The following ATP13A3 variants were observed in gnomAD, a reference collection of about 807,000 sequenced individuals.
The protein encoded by ATP13A3 is polyamine-transporting ATPase 13A3.
ATP13A3 carries 59 observed loss-of-function variants against 158.1 expected under a neutral mutation model. The ratio of observed to expected loss-of-function variants is 0.37; its 90% CI spans 0.30 to 0.46. The LOEUF is 0.46. Ranked by LOEUF, ATP13A3 falls within the 20% of genes least tolerant of loss-of-function variation. The pLI is 1.00. For missense variants in ATP13A3, 1,166 were observed against 1,525.2 expected, an observed-to-expected ratio of 0.76 and a Z score of 3.92; for synonymous variants, 491 against 504.3, an observed-to-expected ratio of 0.97 and a Z score of 0.35.
At chr3:194,491,847 C>G (rs1262022946), upstream of ATP13A3, among the ~76,000 whole-genome samples, 4 of 147,168 alleles carry the variant, frequency 2.7e-5, no homozygotes, top group Non-Finnish European at 6.0e-5. Flanking sequence ...GGCATGTCCC[C>G]TCATCTCTCA....
At position 194,454,330 on chromosome 3, in the gene ATP13A3, G is replaced by A. The variant is rs1164098649; in HGVS notation, c.693C>T (p.Tyr231=). Reference sequence around the variant, plus strand: ...CCACAATAGCTAGAGCATAGTAATAGTATTCATCAGTGCTCCACAGTATAA... The same window carrying A: ...CCACAATAGCTAGAGCATAGTAATAATATTCATCAGTGCTCCACAGTATAA... ...FSVILWSTDE[Y]YYYALAIVVM... Residue 231 remains tyrosine (Y), a synonymous_variant, in exon 9 of 34, where the codon TAC becomes TAT. Coordinates refer to ENST00000645319, the MANE Select transcript of ATP13A3 (RefSeq NM_001367549.1). 2 of 1,607,198 alleles carry A rather than the reference G, an allele frequency of 1.2e-6. No individual in the cohort carries two copies. The highest frequency in any genetic ancestry group is 1.7e-6 in the Non-Finnish European group (2 of 1,174,000).
chr3:194,420,949 T>C lies in ATP13A3; in HGVS notation c.3314-982A>G, dbSNP rs1220356984. Among the ~76,000 whole-genome samples, 21 of 150,240 alleles carry C rather than the reference T, an allele frequency of 1.4e-4. No individual in the cohort carries two copies. In the East Asian group the frequency reaches 3.0e-3, roughly 21 times the overall value. ...CTCCAGACTGGGTAAAGAACTTACT[T>C]TTTACTGACTGTAAATGAAGGGTCT... On this transcript the variant is annotated intron_variant, in intron 30 of 33. Coordinates refer to ENST00000645319, the MANE Select transcript of ATP13A3 (RefSeq NM_001367549.1).
intron 2 of ATP13A3, among the ~76,000 whole-genome samples, chr3:194,471,112 C>T (rs981602098): frequency 7.9e-5 from 12 of 152,048 alleles, no homozygotes; most frequent in African/African-American, 2.7e-4. Flanking sequence ...ACCCTGAGTT[C>T]TAAACTTGTA....
chr3:194,419,986 G>A lies in ATP13A3; in HGVS notation c.3314-19C>T, dbSNP rs748434832. Reference sequence around the variant, plus strand: ...AAAAAATCTGGAAAAGACAGCAAAAGTAAAACAAGTAAATTAGGAAATTCC... The same window carrying A: ...AAAAAATCTGGAAAAGACAGCAAAAATAAAACAAGTAAATTAGGAAATTCC... On this transcript the variant is annotated intron_variant, in intron 30 of 33. Coordinates refer to ENST00000645319, the MANE Select transcript of ATP13A3 (RefSeq NM_001367549.1). 1.3e-5 allele frequency: 20 copies of A among 1,499,872 alleles called. No homozygotes were observed. In the Admixed American group the frequency reaches 4.4e-4, roughly 33 times the overall value. 92.9% of individuals were successfully genotyped at this position (1,499,872 alleles called of 1,614,324 possible). A position where few individuals can be genotyped will look rare whatever the true frequency, so the allele number is the denominator to read the frequency against.
intron 6 of ATP13A3, among the ~76,000 whole-genome samples, chr3:194,457,536 T>C (rs1274477204): frequency 1.3e-5 from 2 of 152,192 alleles, no homozygotes; most frequent in Non-Finnish European, 2.9e-5. Flanking sequence ...ACTTGAGAAT[T>C]CTAAACCAAA....
Position 194,406,862 on chromosome 3 carries a change from T to C in ATP13A3, c.3574-746A>G, listed in dbSNP as rs187545562. Among the ~76,000 whole-genome samples, 100 of 152,302 alleles carry C rather than the reference T, an allele frequency of 6.6e-4. 2 individuals are homozygous for C. In the East Asian group the frequency reaches 0.012, roughly 19 times the overall value. On this transcript the variant is annotated intron_variant, in intron 33 of 33. Coordinates refer to ENST00000645319, the MANE Select transcript of ATP13A3 (RefSeq NM_001367549.1). ...TCATCCTTACTAATATAAAAAACAA[T>C]ACTGTTTTATAATGATGGTTTCCGT...
intron 33 of ATP13A3, among the ~76,000 whole-genome samples, chr3:194,410,295 G>GCAAAAA (rs1715270700): frequency 4.4e-4 from 1 of 2,290 alleles, no homozygotes. Flanking sequence ...CCTCCTCTCT[G>GCAAAAA]CAAAAAAAAA....
chr3:194,447,238 G>A, intron 13 of ATP13A3, 123 bp from the exon 14 acceptor site: 1 of 761,442 alleles, frequency 1.3e-6, no homozygotes, highest in Non-Finnish European at 2.1e-6. Flanking sequence ...ATGTATGTGT[G>A]TGTATATACA....
At chr3:194,410,911 T>C (rs1013044571) in intron 33 of ATP13A3, among the ~76,000 whole-genome samples, 4 of 19,352 alleles carry the variant, frequency 2.1e-4, no homozygotes, top group African/African-American at 8.2e-4. Flanking sequence ...ACTATATATA[T>C]GGGGGTGGGA....
intron 30 of ATP13A3, among the ~76,000 whole-genome samples, chr3:194,422,068 T>C (rs976053113): frequency 1.3e-5 from 2 of 151,858 alleles, no homozygotes; most frequent in African/African-American, 4.8e-5. Flanking sequence ...TCTAAAAATC[T>C]GCCAAGATTT....
intron 33 of ATP13A3, 115 bp from the exon 34 acceptor site, chr3:194,406,231 T>C: frequency 9.0e-7 from 1 of 1,112,800 alleles, no homozygotes; most frequent in Admixed American, 2.7e-5. Context: ...AAATGACTTC[T>C]GAGCACAACG....
Position 194,457,185 on chromosome 3 carries a change from C to T in ATP13A3, c.480-11G>A, listed in dbSNP as rs1307504246. 5 of 1,601,692 alleles carry T rather than the reference C, an allele frequency of 3.1e-6. No homozygotes were observed. Among genetic ancestry groups the T allele is most frequent in the Non-Finnish European group, 4.3e-6 (5 of 1,172,990 alleles). ...CCTTCATCCAGTCCCCTAAATAAAT[C>T]CAAAGTTTTTACTTTAAACAAAGTT... On this transcript the variant is annotated splice_polypyrimidine_tract_variant and intron_variant, in intron 6 of 33. Transcript: ENST00000645319.
At chr3:194,433,533 G>A (rs897967127) in intron 21 of ATP13A3, among the ~76,000 whole-genome samples, 6 of 152,132 alleles carry the variant, frequency 3.9e-5, no homozygotes, top group Non-Finnish European at 7.4e-5. Context: ...GTGAGCCACC[G>A]CGCCCGGCCG....
chr3:194,456,345 G>A (rs1456471215), intron 7 of ATP13A3, among the ~76,000 whole-genome samples: 2 of 150,858 alleles, frequency 1.3e-5, no homozygotes, highest in Non-Finnish European at 3.0e-5. Flanking sequence ...TTTTAATATT[G>A]CACTAACAGT....
At chr3:194,429,578 C>T (rs968363695) in intron 27 of ATP13A3, 100 bp downstream of exon 27, 1 of 797,386 alleles carries the variant, frequency 1.3e-6, no homozygotes, top group African/African-American at 1.8e-5. Context: ...CTCACAGAAA[C>T]AATTACTAAT....
intron 2 of ATP13A3, among the ~76,000 whole-genome samples, chr3:194,484,135 ACCTTAT>A (rs1424882281): frequency 6.6e-6 from 1 of 152,228 alleles, no homozygotes; most frequent in Non-Finnish European, 1.5e-5. Flanking sequence ...CATACAACTA[ACCTTAT>A]AAACCCAGAG....
intron 29 of ATP13A3, among the ~76,000 whole-genome samples, chr3:194,425,760 G>C (rs1426318509): frequency 6.6e-6 from 1 of 152,152 alleles, no homozygotes; most frequent in East Asian, 1.9e-4. Flanking sequence ...AATCAAGTAG[G>C]AAATATTTAA....
At chr3:194,454,725 A>G (rs1159882624) in intron 8 of ATP13A3, among the ~76,000 whole-genome samples, 2 of 151,674 alleles carry the variant, frequency 1.3e-5, no homozygotes, top group African/African-American at 4.9e-5. Context: ...GCTACTCAGG[A>G]GGCCGAAGCA....
rs568067775 is a variant in ATP13A3, at chr3:194,419,971, G to C, written c.3314-4C>G. ...ATCACAGAAAAAACAAAAAAATCTGGAAAAGACAGCAAAAGTAAAACAAGT... is the reference window on the plus strand; with the variant it reads ...ATCACAGAAAAAACAAAAAAATCTGCAAAAGACAGCAAAAGTAAAACAAGT... On this transcript the variant is annotated splice_polypyrimidine_tract_variant and splice_region_variant and intron_variant, in intron 30 of 33. Transcript: ENST00000645319. The C allele has an allele frequency of 1.5e-5, 23 of 1,519,978 alleles. No individual in the cohort carries two copies. In the South Asian group the frequency reaches 2.9e-4, roughly 19 times the overall value. The allele number at this position is 1,519,978 out of a possible 1,614,324, so 94.2% of individuals were successfully genotyped here. A position where few individuals can be genotyped will look rare whatever the true frequency, so the allele number is the denominator to read the frequency against.
Sources: allele counts gnomAD v4.1 joint callset (sites outside exome capture counted in the v4.1 genomes callset), GRCh38; gene constraint gnomAD v4.1.1; transcripts MANE v1.5; gene names NCBI Gene and HGNC (gene_info 2026-07-23, HGNC 2026-07-21).